AZIN2: variants seen among roughly 807,000 people sequenced by gnomAD.
The protein encoded by AZIN2 is antizyme inhibitor 2.
Under a neutral mutation model 47.8 loss-of-function variants are expected in AZIN2, and 28 were observed. The ratio of observed to expected loss-of-function variants is 0.59; its 90% confidence interval spans 0.43 to 0.80. AZIN2 has a LOEUF of 0.80. Ranked by LOEUF, AZIN2 falls within the 30% of genes least tolerant of loss-of-function variation. AZIN2 has a pLI of 0.00. For synonymous variants in AZIN2, 221 were observed against 239.4 expected (o/e 0.92, Z 0.71); for missense variants, 535 against 582.5 (o/e 0.92, Z 0.84).
the AZIN2 span, among the ~76,000 whole-genome samples, chr1:33,153,013 C>A: frequency 5.4e-5 from 6 of 111,888 alleles, no homozygotes; most frequent in Non-Finnish European, 9.9e-5. Flanking sequence ...GGAGAGCTTC[C>A]TAATGTTAGG....
At chr1:33,091,938 GT>G (rs1374868180) in intron 5 of AZIN2, 111 bp from the exon 6 acceptor site, 3 of 1,148,252 alleles carry the variant, frequency 2.6e-6, no homozygotes, top group Non-Finnish European at 3.8e-6. Flanking sequence ...AAGGCCCACT[GT>G]TATGGGCCTC....
chr1:33,111,682 A>G (rs1363540387), intron 10 of AZIN2, among the ~76,000 whole-genome samples: 1 of 151,708 alleles, frequency 6.6e-6, no homozygotes, highest in Non-Finnish European at 1.5e-5. Flanking sequence ...GCTCACTGCA[A>G]CCTCTGCCTC....
chr1:33,154,484 T>G, the AZIN2 span, among the ~76,000 whole-genome samples: 3 of 149,554 alleles, frequency 2.0e-5, no homozygotes, highest in Non-Finnish European at 4.5e-5. Flanking sequence ...TCTTTAGATC[T>G]TTTTTTTTTC....
At chr1:33,086,124 C>T (rs1185023957) in intron 5 of AZIN2, among the ~76,000 whole-genome samples, 3 of 152,106 alleles carry the variant, frequency 2.0e-5, no homozygotes, top group South Asian at 2.1e-4. Flanking sequence ...AGCATCTGCC[C>T]TTTGCTGAGT....
At chr1:33,163,618 G>A in the AZIN2 span, 1 of 152,142 alleles carries the variant, frequency 6.6e-6, no homozygotes, top group Non-Finnish European at 1.5e-5. Context: ...CACATCCCTT[G>A]GAACACCCTA....
chr1:33,115,213 G>A (rs1187419101), intron 10 of AZIN2, among the ~76,000 whole-genome samples: 2 of 152,152 alleles, frequency 1.3e-5, no homozygotes, highest in African/African-American at 4.8e-5. Flanking sequence ...TCCCAGATAA[G>A]GTATGAAGTG....
the AZIN2 span, chr1:33,147,730 G>T: frequency 6.2e-7 from 1 of 1,607,062 alleles, no homozygotes; most frequent in Non-Finnish European, 8.5e-7. The surrounding 1 kb of genome is among the most constrained non-coding windows in gnomAD (Gnocchi z 8.1). Flanking sequence ...GGCTGGCACT[G>T]TGGGGGTTGG....
intron 8 of AZIN2, 109 bp from the exon 9 acceptor site, chr1:33,096,598 T>C: frequency 2.2e-6 from 3 of 1,393,790 alleles, no homozygotes; most frequent in Non-Finnish European, 3.0e-6. Flanking sequence ...AAATCCTTCT[T>C]CCGGAAATCA....
chr1:33,091,940 T>A lies in AZIN2; in HGVS notation c.280-110T>A, dbSNP rs1384625583. 8 of 1,160,942 alleles carry A rather than the reference T, an allele frequency of 6.9e-6. No individual in the cohort carries two copies. The East Asian group carries it at 7.1e-5, about 10-fold the overall frequency. The allele number at this position is 1,160,942 out of a possible 1,614,324, so 71.9% of individuals were successfully genotyped here. Reference sequence around the variant, plus strand: ...GTTGTCTTAGAGCAAGGCCCACTGTTATGGGCCTCCCTATGCATAGCTATG... The same window carrying A: ...GTTGTCTTAGAGCAAGGCCCACTGTAATGGGCCTCCCTATGCATAGCTATG... On this transcript the variant is annotated intron_variant, in intron 5 of 11. Transcript: ENST00000294517.
chr1:33,145,231 A>C, the AZIN2 span, among the ~76,000 whole-genome samples: 2 of 152,168 alleles, frequency 1.3e-5, no homozygotes, highest in East Asian at 3.9e-4. Flanking sequence ...ATGGGACCCC[A>C]GGTAAGTCTT....
intron 4 of AZIN2, chr1:33,083,627 T>C: frequency 2.6e-6 from 1 of 385,300 alleles, no homozygotes; most frequent in East Asian, 5.7e-5. Context: ...GAGTGAAACT[T>C]TAAGGATTTT....
intron 10 of AZIN2, among the ~76,000 whole-genome samples, chr1:33,106,538 A>C (rs1644015612): frequency 6.6e-6 from 1 of 152,290 alleles, no homozygotes; most frequent in Middle Eastern, 3.4e-3. Flanking sequence ...ATTAAATAGC[A>C]CATTAAAAGG....
At chr1:33,094,754 G>A (rs370249799) in intron 8 of AZIN2, 41 bp downstream of exon 8, 128 of 1,605,904 alleles carry the variant, frequency 8.0e-5, no homozygotes, top group Non-Finnish European at 1.0e-4. Context: ...GCTCTATGGC[G>A]GGGAGGATAG....
the AZIN2 span, among the ~76,000 whole-genome samples, chr1:33,137,034 G>A: frequency 6.6e-6 from 1 of 152,040 alleles, no homozygotes; most frequent in African/African-American, 2.4e-5. Context: ...GCCAGTGCTT[G>A]TTGGGAGTGG....
chr1:33,097,066 G>C (rs1643235399), intron 9 of AZIN2, 197 bp downstream of exon 9: 1 of 634,964 alleles, frequency 1.6e-6, no homozygotes, highest in African/African-American at 1.8e-5. Flanking sequence ...TCCTAGGCAT[G>C]TTCATATTTT....
the AZIN2 span, among the ~76,000 whole-genome samples, chr1:33,136,289 CCTTTCTTTCTTTTT>C: frequency 4.7e-5 from 7 of 149,532 alleles, no homozygotes; most frequent in African/African-American, 1.2e-4. Context: ...CTCTTCCTTT[CCTTTCTTTCTTTTT>C]CTTTCTTTCT....
chr1:33,116,624 C>A (rs1237865731), intron 10 of AZIN2, among the ~76,000 whole-genome samples: 1 of 152,180 alleles, frequency 6.6e-6, no homozygotes, highest in African/African-American at 2.4e-5. Flanking sequence ...CCTACACATC[C>A]CCTGGGCTCA....
intron 10 of AZIN2, among the ~76,000 whole-genome samples, chr1:33,115,913 C>G (rs1439171046): frequency 6.6e-6 from 1 of 152,178 alleles, no homozygotes; most frequent in Non-Finnish European, 1.5e-5. Context: ...CTTGTAGATT[C>G]ATTTATAGAG....
intron 6 of AZIN2, among the ~76,000 whole-genome samples, chr1:33,093,017 T>C (rs1276373388): frequency 3.3e-5 from 5 of 152,302 alleles, no homozygotes; most frequent in Non-Finnish European, 1.5e-5. Flanking sequence ...GTGTGGAGAC[T>C]GATTTGGAGG....
Sources: gnomAD v4.1 joint callset for allele counts (sites outside exome capture counted in the v4.1 genomes callset) on GRCh38, gnomAD v4.1.1 for gene constraint, Gnocchi (gnomAD v3.1) non-coding constraint, MANE v1.5 for transcripts, NCBI Gene and HGNC (gene_info 2026-07-23, HGNC 2026-07-21) for gene names.